The following UBE2G1 variants were observed in gnomAD, a reference collection of about 807,000 sequenced individuals.
UBE2G1 encodes the protein ubiquitin-conjugating enzyme E2 G1.
In UBE2G1, 5 loss-of-function variants were observed where a neutral mutation model predicts 22.7. That is an observed-to-expected ratio of 0.22 (90% CI 0.12 to 0.46). The LOEUF (loss-of-function observed/expected upper bound fraction) is 0.46, where lower values mean the gene tolerates loss of function less well. UBE2G1 is among the 20% of genes least tolerant of loss of function. The probability of loss-of-function intolerance (pLI) is 0.99; values close to 1 mark genes in which losing one functional copy is unlikely to be tolerated. For missense variants in UBE2G1, 88 were observed against 203.9 expected, an observed-to-expected ratio of 0.43 and a Z score of 3.46; for synonymous variants, 74 against 67.5, an observed-to-expected ratio of 1.10 and a Z score of -0.47.
At chr17:4,358,121 T>G (rs1473249042) in intron 1 of UBE2G1, among the ~76,000 whole-genome samples, 1 of 152,232 alleles carries the variant, frequency 6.6e-6, no homozygotes, top group Non-Finnish European at 1.5e-5. Context: ...GTTACAGTTT[T>G]TTTAATTTTA....
intron 1 of UBE2G1, among the ~76,000 whole-genome samples, chr17:4,315,115 T>TGTACTTCACAGTCTAAACATGTAGA (rs1969350880): frequency 6.6e-6 from 1 of 152,038 alleles, no homozygotes; most frequent in Non-Finnish European, 1.5e-5. Flanking sequence ...AGACAAATGA[T>TGTACTTCACAGTCTAAACATGTAGA]CATGTTTAGA....
intron 1 of UBE2G1, among the ~76,000 whole-genome samples, chr17:4,341,568 T>G (rs749724811): frequency 1.3e-5 from 2 of 152,080 alleles, no homozygotes; most frequent in Non-Finnish European, 2.9e-5. Context: ...CACTAGCAAT[T>G]CTCCAACTTT....
Position 4,299,983 on chromosome 17 carries a change from C to T in UBE2G1, c.150-3169G>A, listed in dbSNP as rs1969156137. On this transcript the variant is annotated intron_variant, in intron 2 of 5. Coordinates refer to ENST00000396981, the MANE Select transcript of UBE2G1 (RefSeq NM_003342.5). ...CTAGGATTACAAGCGCACACCACCACGTCCCGCTAATTTTTGTATCTTTAG... is the reference window on the plus strand; with the variant it reads ...CTAGGATTACAAGCGCACACCACCATGTCCCGCTAATTTTTGTATCTTTAG... 2.6e-5 allele frequency among the ~76,000 whole-genome samples: 4 copies of T among 151,796 alleles called. No homozygotes were observed. The South Asian group carries it at 6.3e-4, about 24-fold the overall frequency.
chr17:4,298,126 A>T (rs182741963), intron 2 of UBE2G1, among the ~76,000 whole-genome samples: 142 of 152,338 alleles, frequency 9.3e-4, no homozygotes, highest in African/African-American at 3.3e-3. Context: ...TTACATTTTT[A>T]AAAGCAGGTA....
chr17:4,337,640 C>T (rs1235278904), intron 1 of UBE2G1, among the ~76,000 whole-genome samples: 2 of 141,382 alleles, frequency 1.4e-5, no homozygotes, highest in Admixed American at 7.3e-5. Context: ...GCAACAAGAG[C>T]GAAACTCGGT....
At chr17:4,347,877 T>C (rs1280162243) in intron 1 of UBE2G1, among the ~76,000 whole-genome samples, 1 of 152,188 alleles carries the variant, frequency 6.6e-6, no homozygotes, top group African/African-American at 2.4e-5. Context: ...TGTGCCCATA[T>C]GAGAAAGCAA....
intron 1 of UBE2G1, among the ~76,000 whole-genome samples, chr17:4,311,358 C>T (rs1363918172): frequency 6.6e-6 from 1 of 152,186 alleles, no homozygotes; most frequent in Non-Finnish European, 1.5e-5. Flanking sequence ...GCAAGTTGTA[C>T]ATGAATGTCT....
chr17:4,329,804 C>A (rs1969549653), intron 1 of UBE2G1, among the ~76,000 whole-genome samples: 1 of 145,330 alleles, frequency 6.9e-6, no homozygotes, highest in Non-Finnish European at 1.5e-5. Flanking sequence ...AGTCCATTGC[C>A]ATTAGGCTTT....
chr17:4,363,336 A>C (rs1345780139), intron 1 of UBE2G1, among the ~76,000 whole-genome samples: 1 of 152,214 alleles, frequency 6.6e-6, no homozygotes, highest in Non-Finnish European at 1.5e-5. Context: ...TTAAATCTGC[A>C]GCTAAGTAAC....
At chr17:4,362,788 G>A (rs550646609) in intron 1 of UBE2G1, among the ~76,000 whole-genome samples, 7 of 152,270 alleles carry the variant, frequency 4.6e-5, no homozygotes, top group African/African-American at 1.4e-4. Context: ...CTTGAACCTG[G>A]GAGGCGGAGG....
intron 1 of UBE2G1, among the ~76,000 whole-genome samples, chr17:4,331,105 A>G (rs895632916): frequency 1.3e-5 from 2 of 152,086 alleles, no homozygotes; most frequent in African/African-American, 4.8e-5. Context: ...TCCTGGTGGT[A>G]TGAAGAACAC....
At chr17:4,337,418 C>G (rs958595396) in intron 1 of UBE2G1, among the ~76,000 whole-genome samples, 2 of 150,552 alleles carry the variant, frequency 1.3e-5, no homozygotes, top group Admixed American at 6.6e-5. Flanking sequence ...TTTGGGAGGT[C>G]GAGGCAGGTG....
chr17:4,340,080 T>C (rs1969694272), intron 1 of UBE2G1, among the ~76,000 whole-genome samples: 1 of 152,012 alleles, frequency 6.6e-6, no homozygotes, highest in Non-Finnish European at 1.5e-5. Flanking sequence ...CACAGGTGCA[T>C]ATGGCTTTTT....
chr17:4,275,658 A>G (rs1968812876), intron 5 of UBE2G1, among the ~76,000 whole-genome samples: 1 of 152,196 alleles, frequency 6.6e-6, no homozygotes, highest in East Asian at 1.9e-4. Context: ...CCACTTTTTG[A>G]TGTTAATGAC....
At chr17:4,327,524 A>G (rs1384691022) in intron 1 of UBE2G1, among the ~76,000 whole-genome samples, 1 of 152,138 alleles carries the variant, frequency 6.6e-6, no homozygotes, top group Non-Finnish European at 1.5e-5. Context: ...AAACTCAGAG[A>G]GAGAAAATAG....
chr17:4,346,098 C>A lies in UBE2G1; in HGVS notation c.46+20173G>T, dbSNP rs149976019. On this transcript the variant is annotated intron_variant, in intron 1 of 5. Transcript: ENST00000396981. Reference sequence around the variant, plus strand: ...ACTTCCTCTTTATAAAAATGACTAACCTTAAAATACAGTCTGATTTACAAC... The same window carrying A: ...ACTTCCTCTTTATAAAAATGACTAAACTTAAAATACAGTCTGATTTACAAC... Among the ~76,000 whole-genome samples the A allele has an allele frequency of 8.9e-4, 135 of 152,298 alleles. 1 individual carries two copies. Among genetic ancestry groups the A allele is most frequent in the African/African-American group, 3.0e-3 (126 of 41,550 alleles).
chr17:4,273,681 T>C (rs995850680), intron 5 of UBE2G1, among the ~76,000 whole-genome samples: 5 of 147,054 alleles, frequency 3.4e-5, no homozygotes, highest in South Asian at 4.3e-4. Context: ...ATTAGACTTT[T>C]CAGAGTCTTT....
intron 1 of UBE2G1, among the ~76,000 whole-genome samples, chr17:4,328,292 A>C (rs1969524941): frequency 6.6e-6 from 1 of 152,230 alleles, no homozygotes; most frequent in Admixed American, 6.5e-5. Context: ...GCTTTTCACA[A>C]GTTAATTTTT....
At chr17:4,286,469 C>T (rs1488431916) in intron 4 of UBE2G1, among the ~76,000 whole-genome samples, 3 of 150,026 alleles carry the variant, frequency 2.0e-5, no homozygotes, top group African/African-American at 7.4e-5. Context: ...TAATATGAGA[C>T]AACTAACTAG....
Sources: allele counts gnomAD v4.1 joint callset (sites outside exome capture counted in the v4.1 genomes callset), GRCh38; gene constraint gnomAD v4.1.1; transcripts MANE v1.5; gene names NCBI Gene and HGNC (gene_info 2026-07-23, HGNC 2026-07-21).